Variants in PCDH20 observed in about 807,000 individuals in gnomAD.
PCDH20 encodes the protein protocadherin-20.
Under a neutral mutation model 39.7 loss-of-function variants are expected in PCDH20, and 18 were observed. The ratio of observed to expected loss-of-function variants is 0.45; its 90% CI spans 0.31 to 0.67. The LOEUF is 0.67. PCDH20 is among the 30% of genes least tolerant of loss of function. The pLI, the probability that PCDH20 is intolerant of heterozygous loss-of-function variation, is 0.05. For missense variants in PCDH20, 1,161 were observed against 1,167.4 expected (o/e 0.99, Z 0.08); for synonymous variants, 495 against 455.4 (o/e 1.09, Z -1.11).
At position 61,412,781 on chromosome 13, in the gene PCDH20, AAACC is replaced by A. The variant is rs1566222828; in HGVS notation, c.1314_1317del (p.Val439IlefsTer2). ...TTAACGGGTTCCAGTTCTTTCAGAT[AAACC>A]ACACCATCTATCTCGTTTGCTATGT... On this transcript the variant is annotated frameshift_variant, in exon 2 of 2. Coordinates refer to ENST00000409204, the Ensembl canonical transcript of PCDH20. LOFTEE classifies it high-confidence loss of function. 1 of 1,614,156 alleles carries A rather than the reference AAACC, an allele frequency of 6.2e-7. No individual in the cohort carries two copies. The highest frequency in any genetic ancestry group is 2.2e-5 in the East Asian group (1 of 44,874).
exon 2 of PCDH20, chr13:61,410,734 T>A (rs1279540426): frequency 6.6e-6 from 1 of 152,608 alleles, no homozygotes; most frequent in South Asian, 2.1e-4. Context: ...ATTTCTTTTT[T>A]TATCATATGT....
At chr13:61,413,859 C>T (rs1345430894) in exon 2 of PCDH20, 5 of 1,613,114 alleles carry the variant, frequency 3.1e-6, no homozygotes, top group Non-Finnish European at 4.2e-6. Flanking sequence ...TGCCGATGAG[C>T]ACCCCCGCGG....
exon 2 of PCDH20, chr13:61,413,067 A>C: frequency 1.2e-6 from 2 of 1,614,210 alleles, no homozygotes; most frequent in Non-Finnish European, 1.7e-6. Flanking sequence ...CTTTATCCAC[A>C]GCCTGGACAG....
At chr13:61,413,853 G>T (rs756767170) in exon 2 of PCDH20, 1 of 1,613,098 alleles carries the variant, frequency 6.2e-7, no homozygotes, top group East Asian at 2.2e-5. Flanking sequence ...CCAGGCTGCC[G>T]ATGAGCACCC....
intron 1 of PCDH20, among the ~76,000 whole-genome samples, chr13:61,414,202 C>G (rs958997132): frequency 1.6e-4 from 24 of 152,058 alleles, no homozygotes; most frequent in East Asian, 1.4e-3. Context: ...CCGCCTTCCC[C>G]CCTCGTTTCC....
chr13:61,411,846 A>G (rs1030457861), exon 2 of PCDH20: 1 of 1,614,072 alleles, frequency 6.2e-7, no homozygotes, highest in South Asian at 1.1e-5. Context: ...GTACTAACAG[A>G]TAAGACATAT....
exon 2 of PCDH20, chr13:61,411,764 C>G (rs373300470): frequency 1.9e-6 from 3 of 1,614,154 alleles, no homozygotes; most frequent in South Asian, 2.2e-5. Context: ...TAAGCTATGA[C>G]AGCATTCATG....
exon 2 of PCDH20, chr13:61,413,230 A>G: frequency 6.2e-7 from 1 of 1,614,074 alleles, no homozygotes; most frequent in Non-Finnish European, 8.5e-7. Context: ...CTCAGCTATG[A>G]TGATGCTCAC....
At chr13:61,411,742 C>T (rs1878250656) in exon 2 of PCDH20, 2 of 1,614,028 alleles carry the variant, frequency 1.2e-6, no homozygotes, top group Non-Finnish European at 1.7e-6. Context: ...ACCTCTTCTC[C>T]CTATGATGCT....
At chr13:61,411,570 G>C (rs1443813862) in exon 2 of PCDH20, 1 of 1,614,098 alleles carries the variant, frequency 6.2e-7, no homozygotes, top group East Asian at 2.2e-5. Context: ...CAGTGTCATT[G>C]ACAAATAGGT....
exon 2 of PCDH20, chr13:61,413,482 G>C: frequency 6.2e-7 from 1 of 1,613,920 alleles, no homozygotes; most frequent in Non-Finnish European, 8.5e-7. Context: ...GAACTGCGGG[G>C]CGTTGTCATT....
In PCDH20 at chr13:61,411,001, C is replaced by T. The variant is rs1171046374; in HGVS notation, c.*242G>A. The T allele has an allele frequency of 4.7e-5, 9 of 192,672 alleles. No homozygotes were observed. In the East Asian group the frequency reaches 6.8e-4, roughly 14 times the overall value. 11.9% of individuals were successfully genotyped at this position (192,672 alleles called of 1,614,324 possible). ...ATGAAAGCTGCAAACCATGTCCAAGCTTTTTTTTTTTTTTTAAATACAAGT... is the reference window on the plus strand; with the variant it reads ...ATGAAAGCTGCAAACCATGTCCAAGTTTTTTTTTTTTTTTTAAATACAAGT... On this transcript the variant is annotated 3_prime_UTR_variant, in exon 2 of 2. Coordinates refer to ENST00000409204, the Ensembl canonical transcript of PCDH20.
exon 2 of PCDH20, chr13:61,413,575 G>C: frequency 6.2e-7 from 1 of 1,614,166 alleles, no homozygotes; most frequent in Non-Finnish European, 8.5e-7. Flanking sequence ...CAAAAGACAA[G>C]AGTCAGAAGG....
chr13:61,411,969 C>T (rs967711047), exon 2 of PCDH20: 26 of 1,614,038 alleles, frequency 1.6e-5, no homozygotes, highest in Middle Eastern at 3.3e-4. Context: ...CTTCAACCCA[C>T]AAAGTATAGG....
Position 61,412,478 on chromosome 13 carries a change from C to A in PCDH20, c.1621G>T (p.Glu541Ter). The A allele has an allele frequency of 6.2e-7, 1 of 1,614,174 alleles. No homozygotes were observed. Among genetic ancestry groups the A allele is most frequent in the Non-Finnish European group, 8.5e-7 (1 of 1,180,030 alleles). ...GAGTTGTTCTCTTCGATGGTTAGTT[C>A]TATTAAGGGTTGAAGGAAAATTGGA... The change falls in exon 2 of 2, where the codon GAA becomes TAA. Residue 541 changes from glutamate to a stop codon, truncating the protein, a stop_gained. Transcript: ENST00000409204. LOFTEE classifies it low-confidence loss of function (END_TRUNC).
At chr13:61,412,867 G>A in exon 2 of PCDH20, 3 of 1,614,094 alleles carry the variant, frequency 1.9e-6, no homozygotes, top group Non-Finnish European at 2.5e-6. Flanking sequence ...CACAAGAGCA[G>A]TGATTACAGC....
chr13:61,411,512 T>C, exon 2 of PCDH20: 1 of 1,614,182 alleles, frequency 6.2e-7, no homozygotes, highest in South Asian at 1.1e-5. Context: ...TCTATATTAA[T>C]CTCTGGTTCT....
chr13:61,415,347 GCAGGT>G lies in PCDH20; in HGVS notation c.-194_-190del. 1 of 605,580 alleles carries G rather than the reference GCAGGT, an allele frequency of 1.7e-6. No homozygotes were observed. Among genetic ancestry groups the G allele is most frequent in the South Asian group, 5.4e-5 (1 of 18,514 alleles). 37.5% of individuals were successfully genotyped at this position (605,580 alleles called of 1,614,324 possible). A position where few individuals can be genotyped will look rare whatever the true frequency, so the allele number is the denominator to read the frequency against. ...ACATTCATGGTTTCCTGCCCCGGAC[GCAGGT>G]AACTCCATACTCTGCCAGAGGAGCT... On this transcript the variant is annotated 5_prime_UTR_variant, in exon 1 of 2. The change creates a premature stop within an existing upstream ORF in the 5' untranslated region. Coordinates refer to ENST00000409204, the Ensembl canonical transcript of PCDH20.
chr13:61,411,498 C>T, exon 2 of PCDH20: 4 of 1,614,030 alleles, frequency 2.5e-6, no homozygotes, highest in Non-Finnish European at 3.4e-6. Flanking sequence ...GTGGTTCTTT[C>T]TCCTCTATAT....
Sources: gnomAD v4.1 joint callset for allele counts (sites outside exome capture counted in the v4.1 genomes callset) on GRCh38, gnomAD v4.1.1 for gene constraint, MANE v1.5 for transcripts, NCBI Gene and HGNC (gene_info 2026-07-23, HGNC 2026-07-21) for gene names.